Variants in ACSM3 observed in about 807,000 individuals in gnomAD.
ACSM3 encodes the protein acyl-CoA synthetase medium chain family member 3.
Under a neutral mutation model 74.1 loss-of-function variants are expected in ACSM3, and 61 were observed. The observed-to-expected ratio is 0.82, with a 90% CI of 0.67 to 1.02. ACSM3 has a LOEUF of 1.02. Among genes scored for constraint, ACSM3 ranks in the 50% least tolerant of loss-of-function variants. ACSM3 has a pLI of 0.00. For missense variants in ACSM3, 660 were observed against 697.0 expected (o/e 0.95, Z 0.60); for synonymous variants, 213 against 241.5 (o/e 0.88, Z 1.09).
intron 1 of ACSM3, among the ~76,000 whole-genome samples, chr16:20,744,939 T>C (rs956093801): frequency 1.3e-5 from 2 of 152,348 alleles, no homozygotes; most frequent in African/African-American, 2.4e-5. Context: ...TTGTATTTCA[T>C]GGTTGCTGAC....
chr16:20,741,479 C>CGGGGGGGGGGGGG (rs1483855513), intron 1 of ACSM3: 702 of 1,329,150 alleles, frequency 5.3e-4, no homozygotes, highest in East Asian at 1.5e-3. Flanking sequence ...GCCTGGCAGC[C>CGGGGGGGGGGGGG]GGCCCGCCCG....
At chr16:20,773,673 T>C (rs1820711659) in intron 2 of ACSM3, among the ~76,000 whole-genome samples, 1 of 152,204 alleles carries the variant, frequency 6.6e-6, no homozygotes, top group South Asian at 2.1e-4. Flanking sequence ...TTTCCAAAGT[T>C]CCTCTTGTTA....
chr16:20,748,129 C>G (rs573362702), intron 1 of ACSM3, among the ~76,000 whole-genome samples: 1 of 148,348 alleles, frequency 6.7e-6, no homozygotes, highest in African/African-American at 2.5e-5. Context: ...CAAAATGAGA[C>G]CATGTCTCAA....
At chr16:20,694,245 A>T (rs2079678111) in intron 1 of ACSM3, among the ~76,000 whole-genome samples, 1 of 152,260 alleles carries the variant, frequency 6.6e-6, no homozygotes, top group Admixed American at 6.5e-5. Flanking sequence ...TGGAAACCGG[A>T]CACAGCAGTA....
intron 1 of ACSM3, chr16:20,690,916 T>C (rs2079641140): frequency 7.1e-7 from 1 of 1,418,398 alleles, no homozygotes; most frequent in Non-Finnish European, 9.6e-7. Flanking sequence ...TTTGGTTCCA[T>C]ACCTTTCAGC....
chr16:20,762,141 T>C (rs2080082272), upstream of ACSM3, among the ~76,000 whole-genome samples: 1 of 152,200 alleles, frequency 6.6e-6, no homozygotes, highest in Non-Finnish European at 1.5e-5. Context: ...CTCAAAAACT[T>C]GCCTCAGTCT....
At chr16:20,685,847 C>CAAAAAAAAAAAA (rs1491230287) in intron 1 of ACSM3, among the ~76,000 whole-genome samples, 1 of 91,032 alleles carries the variant, frequency 1.1e-5, no homozygotes, top group Non-Finnish European at 2.2e-5. Flanking sequence ...AAAAAAAAAA[C>CAAAAAAAAAAAA]AAAAAACTTA....
intron 7 of ACSM3, chr16:20,784,456 C>T (rs2080424731): frequency 6.6e-6 from 1 of 152,642 alleles, no homozygotes; most frequent in African/African-American, 2.4e-5. Context: ...ATCCCACCAT[C>T]AGTTTTACCA....
intron 1 of ACSM3, among the ~76,000 whole-genome samples, chr16:20,710,872 G>T (rs2079741774): frequency 6.6e-6 from 1 of 152,130 alleles, no homozygotes; most frequent in Non-Finnish European, 1.5e-5. Context: ...GTCACCTGAG[G>T]TCAGGAGTTC....
intron 1 of ACSM3, among the ~76,000 whole-genome samples, chr16:20,740,298 G>A (rs1377515583): frequency 2.0e-5 from 3 of 152,218 alleles, no homozygotes; most frequent in African/African-American, 4.8e-5. Flanking sequence ...CGGGGACTGA[G>A]GCAGGAGGAC....
upstream of ACSM3, among the ~76,000 whole-genome samples, chr16:20,760,936 C>G (rs542481295): frequency 2.0e-5 from 3 of 152,174 alleles, no homozygotes; most frequent in Non-Finnish European, 2.9e-5. Context: ...CGCAACCCCC[C>G]ACCCTTTACC....
chr16:20,714,460 T>C (rs944966048), intron 1 of ACSM3, among the ~76,000 whole-genome samples: 1 of 152,174 alleles, frequency 6.6e-6, no homozygotes, highest in Non-Finnish European at 1.5e-5. Flanking sequence ...GGCAGCTATG[T>C]AGAGGATTAG....
In ACSM3 at chr16:20,689,843, G is replaced by A. The variant is rs1041306066; in HGVS notation, c.-190+15021G>A. ...GAGATATTTTGGCATCATCAGATTG[G>A]GAGACTAGGTTAAATAATGGATTGT... On this transcript the variant is annotated intron_variant, in intron 1 of 3. Transcript: ENST00000561584. Among the ~76,000 whole-genome samples the A allele has an allele frequency of 9.2e-5, 14 of 152,206 alleles. 1 individual carries two copies. The highest frequency in any genetic ancestry group is 9.2e-4 in the Admixed American group (14 of 15,294).
In ACSM3 at chr16:20,790,468, A is replaced by G; in HGVS notation, c.1225-119A>G. On this transcript the variant is annotated intron_variant, in intron 9 of 13. Transcript: ENST00000289416. This position sits in a 1 kb window ranked among gnomAD's most constrained non-coding sequence, Gnocchi z 4.0. ...TGAGACCTTGTCTCACACACACAAA[A>G]TTTTTTTTAAGTCTTCATTTTTAAA... 1 of 965,412 alleles carries G rather than the reference A, an allele frequency of 1.0e-6. No homozygotes were observed. Among genetic ancestry groups the G allele is most frequent in the Non-Finnish European group, 1.6e-6 (1 of 643,900 alleles). The allele number at this position is 965,412 out of a possible 1,614,324, so 59.8% of individuals were successfully genotyped here.
At chr16:20,734,288 G>A (rs1222997217) in intron 1 of ACSM3, 1 of 152,510 alleles carries the variant, frequency 6.6e-6, no homozygotes, top group East Asian at 1.9e-4. Flanking sequence ...CTTTGTCTTG[G>A]AGCAAGTCTG....
At chr16:20,778,555 T>A (rs1397348093) in intron 4 of ACSM3, among the ~76,000 whole-genome samples, 1 of 152,146 alleles carries the variant, frequency 6.6e-6, no homozygotes, top group East Asian at 1.9e-4. Context: ...GCAACCTAGG[T>A]ACTATAATTA....
At chr16:20,713,919 C>G (rs933201259) in intron 1 of ACSM3, among the ~76,000 whole-genome samples, 1 of 152,126 alleles carries the variant, frequency 6.6e-6, no homozygotes, top group Non-Finnish European at 1.5e-5. Flanking sequence ...CAGAAGACTA[C>G]ACACGGCAAT....
intron 1 of ACSM3, among the ~76,000 whole-genome samples, chr16:20,695,667 T>C (rs933443329): frequency 6.9e-6 from 1 of 144,296 alleles, no homozygotes; most frequent in Non-Finnish European, 1.5e-5. Context: ...TTACCTATTT[T>C]CTATCTATCT....
chr16:20,696,460 C>T (rs2079690300), intron 1 of ACSM3, among the ~76,000 whole-genome samples: 2 of 152,162 alleles, frequency 1.3e-5, no homozygotes, highest in Non-Finnish European at 2.9e-5. Flanking sequence ...TGATGAAAGT[C>T]AGAAAGAGAA....
Sources: allele counts gnomAD v4.1 joint callset (sites outside exome capture counted in the v4.1 genomes callset), GRCh38; gene constraint gnomAD v4.1.1; non-coding constraint Gnocchi (gnomAD v3.1); transcripts MANE v1.5; gene names NCBI Gene and HGNC (gene_info 2026-07-23, HGNC 2026-07-21).